The following FBXO5 variants were observed in gnomAD, a reference collection of about 807,000 sequenced individuals.
FBXO5 encodes F-box only protein 5.
In FBXO5, 8 loss-of-function variants were observed where a neutral mutation model predicts 43.3. The ratio of observed to expected loss-of-function variants is 0.18; its 90% CI spans 0.11 to 0.33. The LOEUF (loss-of-function observed/expected upper bound fraction) is 0.33, where lower values mean the gene tolerates loss of function less well. Ranked by LOEUF, FBXO5 falls within the 10% of genes least tolerant of loss-of-function variation. FBXO5 has a pLI of 1.00. For synonymous variants in FBXO5, 204 were observed against 193.7 expected (o/e 1.05, Z -0.44); for missense variants, 491 against 535.7 (o/e 0.92, Z 0.82).
In FBXO5 at chr6:152,982,896, T is replaced by C. The variant is rs371253986; in HGVS notation, c.64A>G (p.Ser22Gly). The change falls in exon 1 of 5, where the codon AGC becomes GGC. Residue 22 changes from serine to glycine, a missense_variant. Coordinates refer to ENST00000229758, the MANE Select transcript of FBXO5 (RefSeq NM_012177.5). ...GGGCGCCCGGCGGCTGTCACTGCGCTGGGGCTGGCGCTGCAGGAGCAGCGG... is the reference window on the plus strand; with the variant it reads ...GGGCGCCCGGCGGCTGTCACTGCGCCGGGGCTGGCGCTGCAGGAGCAGCGG... ...PPRCSCSASPSAVTAAGRPRP... is the reference protein window; with the variant it reads ...PPRCSCSASPGAVTAAGRPRP... 4.0e-5 allele frequency: 61 copies of C among 1,508,510 alleles called. No homozygotes were observed. In the South Asian group the frequency reaches 6.4e-4, roughly 16 times the overall value. The allele number at this position is 1,508,510 out of a possible 1,614,324, so 93.4% of individuals were successfully genotyped here. A position where few individuals can be genotyped will look rare whatever the true frequency, so the allele number is the denominator to read the frequency against.
At position 152,976,342 on chromosome 6, in the gene FBXO5, C is replaced by T. The variant is rs369183695; in HGVS notation, c.104-721G>A. On this transcript the variant is annotated intron_variant, in intron 1 of 4. Transcript: ENST00000229758. ...AAAGTCTACCTGAATTCCCACAGCT[C>T]TTATCTCCAAGTTTTATTCTGATGG... 7.9e-4 allele frequency among the ~76,000 whole-genome samples: 120 copies of T among 152,278 alleles called. 1 individual carries two copies. The highest frequency in any genetic ancestry group is 2.7e-3 in the African/African-American group (111 of 41,566).
In FBXO5 at chr6:152,982,733, G is replaced by C. The variant is rs1778282214; in HGVS notation, c.103+124C>G. 4 of 606,620 alleles carry C rather than the reference G, an allele frequency of 6.6e-6. 1 individual carries two copies. The allele number at this position is 606,620 out of a possible 1,614,324, so 37.6% of individuals were successfully genotyped here. ...GGAACCGCTGCCGCCGCCCGAGGCC[G>C]GGCGTGTGGCATGGCCGCGCGTCCA... On this transcript the variant is annotated intron_variant, in intron 1 of 4. Coordinates refer to ENST00000229758, the MANE Select transcript of FBXO5 (RefSeq NM_012177.5).
chr6:152,972,493 T>C (rs895980670), intron 3 of FBXO5, 39 bp from the exon 4 acceptor site: 2 of 1,395,386 alleles, frequency 1.4e-6, no homozygotes, highest in South Asian at 1.3e-5. Context: ...TTAGAAATTA[T>C]TTCCTGTATC....
chr6:152,975,396 G>C lies in FBXO5; in HGVS notation c.329C>G (p.Thr110Ser). ...IVSPRIVQLE[T>S]ESKRLHNKEN... The stretch of plus-strand genomic sequence containing the variant: ...CTTGTTATGCAAGCGCTTGCTTTCA[G>C]TTTCAAGTTGTACAATCCTAGGGCT... The change falls in exon 2 of 5, where the codon ACT becomes AGT. Residue 110 changes from threonine (T) to serine (S), a missense_variant. Coordinates refer to ENST00000229758, the MANE Select transcript of FBXO5 (RefSeq NM_012177.5). 1 of 1,613,760 alleles carries C rather than the reference G, an allele frequency of 6.2e-7. No individual in the cohort carries two copies. Among genetic ancestry groups the C allele is most frequent in the Non-Finnish European group, 8.5e-7 (1 of 1,179,902 alleles).
Position 152,975,240 on chromosome 6 carries a change from C to T in FBXO5, c.485G>A (p.Gly162Asp), listed in dbSNP as rs1778149165. Residue 162 changes from glycine (G) to aspartate (D), a missense_variant, in exon 2 of 5, where the codon GGT becomes GAT. Gly to Asp is a moderately conservative substitution (Grantham distance 94, BLOSUM62 -1). Transcript: ENST00000229758. ...ACCGAAATTCTCCTCCAGGAGGCTA[C>T]CTTCTTCATGTTCACTGAGGCCACT... The part of the protein sequence containing the change: ...LQSGLSEHEE[G>D]SLLEENFGDS... 1.2e-6 allele frequency: 2 copies of T among 1,614,134 alleles called. No homozygotes were observed. Among genetic ancestry groups the T allele is most frequent in the Non-Finnish European group, 1.7e-6 (2 of 1,180,016 alleles).
chr6:152,980,841 G>A (rs1474568132), intron 1 of FBXO5, among the ~76,000 whole-genome samples: 1 of 152,150 alleles, frequency 6.6e-6, no homozygotes, highest in Non-Finnish European at 1.5e-5. Flanking sequence ...GAAAACTGAA[G>A]AAGTTAACTC....
At chr6:152,972,500 T>C (rs765216564) in intron 3 of FBXO5, 46 bp from the exon 4 acceptor site, 3 of 1,314,808 alleles carry the variant, frequency 2.3e-6, no homozygotes, top group Non-Finnish European at 3.2e-6. Flanking sequence ...TTATTTCCTG[T>C]ATCCTCAATG....
rs372490667 is a variant in FBXO5, at chr6:152,971,455, A to G, written c.1093-41T>C. 3.7e-4 allele frequency: 574 copies of G among 1,559,102 alleles called. 1 individual carries two copies. The African/African-American group carries it at 6.8e-3, about 19-fold the overall frequency. On this transcript the variant is annotated intron_variant, in intron 4 of 4. Coordinates refer to ENST00000229758, the MANE Select transcript of FBXO5 (RefSeq NM_012177.5). ...AAACCCATTAACAAATTTCAGCAAG[A>G]ATTACATGTACTTTAGTTAATAAAA...
At position 152,973,109 on chromosome 6, in the gene FBXO5, C is replaced by T. The variant is rs954195889; in HGVS notation, c.846G>A (p.Lys282=). The change falls in exon 3 of 5, where the codon AAG becomes AAA. Residue 282 remains lysine (K), a synonymous_variant. Coordinates refer to ENST00000229758, the MANE Select transcript of FBXO5 (RefSeq NM_012177.5). ...CCCCCTTATCATCTTCTAGGATCTT[C>T]TTCCAAGTTGTGCTCACTTTAGACA... is the stretch of plus-strand genomic sequence containing the variant. The part of the protein sequence containing the change: ...INVSKVSTTW[K]KILEDDKGAF... The T allele has an allele frequency of 2.5e-6, 4 of 1,613,778 alleles. No individual in the cohort carries two copies. The highest frequency in any genetic ancestry group is 3.4e-6 in the Non-Finnish European group (4 of 1,179,886).
Position 152,971,263 on chromosome 6 carries a change from G to A in FBXO5, c.1244C>T (p.Thr415Ile). The change falls in exon 5 of 5, where the codon ACT becomes ATT. Residue 415 changes from threonine (T) to isoleucine (I), a missense_variant. Physicochemically the swap from Thr to Ile is moderately conservative, Grantham distance 89 (BLOSUM62 -1). Transcript: ENST00000229758. ...YCTKCLCNYHTTKDCSDGKLL... is the reference protein window; with the variant it reads ...YCTKCLCNYHITKDCSDGKLL... ...CTTGCCATCTGAACAGTCTTTAGTAGTATGATAATTACAGAGACACTTCGT... is the reference window on the plus strand; with the variant it reads ...CTTGCCATCTGAACAGTCTTTAGTAATATGATAATTACAGAGACACTTCGT... 1 of 1,613,980 alleles carries A rather than the reference G, an allele frequency of 6.2e-7. No individual in the cohort carries two copies. The highest frequency in any genetic ancestry group is 8.5e-7 in the Non-Finnish European group (1 of 1,179,924).
At chr6:152,972,799 G>A (rs963320035) in intron 3 of FBXO5, 15 of 492,674 alleles carry the variant, frequency 3.0e-5, no homozygotes, top group South Asian at 1.2e-4. Context: ...CTAAATGGTC[G>A]ACTCTATCTG....
At chr6:152,981,307 T>C (rs777047189) in intron 1 of FBXO5, among the ~76,000 whole-genome samples, 1 of 152,218 alleles carries the variant, frequency 6.6e-6, no homozygotes, top group Non-Finnish European at 1.5e-5. Context: ...CTTTTCAATA[T>C]AGACCTGATC....
At position 152,975,219 on chromosome 6, in the gene FBXO5, A is replaced by C; in HGVS notation, c.506T>G (p.Phe169Cys). 6.2e-7 allele frequency: 1 copy of C among 1,614,106 alleles called. No homozygotes were observed. The highest frequency in any genetic ancestry group is 8.5e-7 in the Non-Finnish European group (1 of 1,180,004). Reference sequence around the variant, plus strand: ...CAGGCAGGATTGTAGACTGTCACCGAAATTCTCCTCCAGGAGGCTACCTTC... The same window carrying C: ...CAGGCAGGATTGTAGACTGTCACCGCAATTCTCCTCCAGGAGGCTACCTTC... ...HEEGSLLEEN[F>C]GDSLQSCLLQ... Residue 169 changes from phenylalanine (F) to cysteine (C), a missense_variant, in exon 2 of 5, where the codon TTC becomes TGC. Phe to Cys is a radical substitution (Grantham distance 205, BLOSUM62 -2). Coordinates refer to ENST00000229758, the MANE Select transcript of FBXO5 (RefSeq NM_012177.5).
At chr6:152,978,178 T>A (rs1428640846) in intron 1 of FBXO5, among the ~76,000 whole-genome samples, 2 of 152,146 alleles carry the variant, frequency 1.3e-5, no homozygotes, top group African/African-American at 4.8e-5. Context: ...GAATTTATGT[T>A]GCAAGCGCAC....
chr6:152,978,938 T>C (rs184403830), intron 1 of FBXO5, among the ~76,000 whole-genome samples: 195 of 151,414 alleles, frequency 1.3e-3, no homozygotes, highest in Non-Finnish European at 2.0e-3. Flanking sequence ...CTGCAGGGAG[T>C]TGTGATCATA....
intron 1 of FBXO5, 152 bp from the exon 2 acceptor site, chr6:152,975,773 TTTAA>T (rs1778161026): frequency 1.7e-6 from 1 of 579,218 alleles, no homozygotes; most frequent in East Asian, 2.9e-5. Context: ...GTTATTCAAG[TTTAA>T]TTATTGATAT....
In FBXO5 at chr6:152,974,768, G is replaced by A. The variant is rs1421742337; in HGVS notation, c.818+139C>T. 28 of 673,488 alleles carry A rather than the reference G, an allele frequency of 4.2e-5. No individual in the cohort carries two copies. The Admixed American group carries it at 9.4e-4, about 23-fold the overall frequency. The allele number at this position is 673,488 out of a possible 1,614,324, so 41.7% of individuals were successfully genotyped here. On this transcript the variant is annotated intron_variant, in intron 2 of 4. Coordinates refer to ENST00000229758, the MANE Select transcript of FBXO5 (RefSeq NM_012177.5). ...ATATTCCAAAATTTGAAAAACATCT[G>A]AAATCCTTCTGGTACTAAGCATTTC...
intron 1 of FBXO5, among the ~76,000 whole-genome samples, chr6:152,980,517 A>G (rs996833476): frequency 6.6e-6 from 1 of 152,218 alleles, no homozygotes; most frequent in Non-Finnish European, 1.5e-5. Context: ...AGGCTGGGTC[A>G]AAAGTGGAGA....
Position 152,980,057 on chromosome 6 carries a change from G to A in FBXO5, c.103+2800C>T, listed in dbSNP as rs530555038. Among the ~76,000 whole-genome samples, 8 of 152,304 alleles carry A rather than the reference G, an allele frequency of 5.3e-5. No homozygotes were observed. The East Asian group carries it at 1.3e-3, about 26-fold the overall frequency. Reference sequence around the variant, plus strand: ...ATCATATTTTATAAAAATGGAAGCTGAAGCAACTGTTTGCAAAAGGTTAAA... The same window carrying A: ...ATCATATTTTATAAAAATGGAAGCTAAAGCAACTGTTTGCAAAAGGTTAAA... On this transcript the variant is annotated intron_variant, in intron 1 of 4. Transcript: ENST00000229758.
Sources: gnomAD v4.1 joint callset for allele counts (sites outside exome capture counted in the v4.1 genomes callset) on GRCh38, gnomAD v4.1.1 for gene constraint, MANE v1.5 for transcripts, NCBI Gene and HGNC (gene_info 2026-07-23, HGNC 2026-07-21) for gene names.